CNNM3: variants seen among roughly 807,000 people sequenced by gnomAD.
The protein encoded by CNNM3 is cyclin and CBS domain divalent metal cation transport mediator 3, also known as metal transporter CNNM3.
A neutral mutation model predicts 57.1 loss-of-function variants in CNNM3; 47 were observed. That is an observed-to-expected ratio of 0.82 (90% confidence interval 0.65 to 1.05). The LOEUF (loss-of-function observed/expected upper bound fraction) is 1.05. Ranked by LOEUF, CNNM3 falls within the 50% of genes least tolerant of loss-of-function variation. CNNM3 has a pLI of 0.00. For missense variants in CNNM3, 957 were observed against 973.7 expected (o/e 0.98, Z 0.23); for synonymous variants, 507 against 478.2 (o/e 1.06, Z -0.79).
chr2:96,828,554 G>A lies in CNNM3; in HGVS notation c.1787-13G>A, dbSNP rs772032444. ...AGCATGGCTCCTGCCATCACTGATT[G>A]TTCCTTTGATAGTTCACCAGTCCCC... On this transcript the variant is annotated splice_polypyrimidine_tract_variant and intron_variant, in intron 5 of 7. Coordinates refer to ENST00000305510, the MANE Select transcript of CNNM3 (RefSeq NM_017623.5). 1.9e-6 allele frequency: 3 copies of A among 1,614,114 alleles called. No homozygotes were observed. Among genetic ancestry groups the A allele is most frequent in the South Asian group, 2.2e-5 (2 of 91,086 alleles).
At chr2:96,836,872 GCATGTGAGC>G (rs2079697323), downstream of CNNM3, 1 of 152,174 alleles carries the variant, frequency 6.6e-6, no homozygotes, top group Non-Finnish European at 1.5e-5. Flanking sequence ...ATTTAAGTAT[GCATGTGAGC>G]CATGTTAATT....
intron 1 of CNNM3, among the ~76,000 whole-genome samples, chr2:96,823,685 A>C (rs1252170317): frequency 6.6e-6 from 1 of 152,230 alleles, no homozygotes; most frequent in African/African-American, 2.4e-5. Context: ...CCACACAACA[A>C]CACAAACTTG....
In CNNM3 at chr2:96,827,840, C is replaced by T. The variant is rs746109031; in HGVS notation, c.1629C>T (p.Ala543=). The change falls in exon 4 of 8, where the codon GCC becomes GCT. Residue 543 remains alanine, a synonymous_variant. Coordinates refer to ENST00000305510, the MANE Select transcript of CNNM3 (RefSeq NM_017623.5). ...EVRFDESNRL[A]THHYLYQRSQ... ...GGTTTGACGAGAGCAACCGGCTGGC[C>T]ACACACCACTACCTGTACCAGCGCA... 2 of 1,614,178 alleles carry T rather than the reference C, an allele frequency of 1.2e-6. No homozygotes were observed. Among genetic ancestry groups the T allele is most frequent in the Non-Finnish European group, 1.7e-6 (2 of 1,180,024 alleles).
At chr2:96,818,436 A>T (rs757887922) in intron 1 of CNNM3, among the ~76,000 whole-genome samples, 1 of 143,758 alleles carries the variant, frequency 7.0e-6, no homozygotes, top group Non-Finnish European at 1.5e-5. Context: ...TTTTATGTAG[A>T]GACAGGGTCT....
At chr2:96,827,664 T>C (rs2079531654) in intron 3 of CNNM3, 67 bp from the exon 4 acceptor site, 1 of 1,506,948 alleles carries the variant, frequency 6.6e-7, no homozygotes, top group Non-Finnish European at 9.1e-7. Context: ...TTGCCTACAG[T>C]GTTGGGTGTG....
chr2:96,822,445 G>GT (rs2079423358), intron 1 of CNNM3, among the ~76,000 whole-genome samples: 3 of 152,048 alleles, frequency 2.0e-5, no homozygotes, highest in Non-Finnish European at 4.4e-5. Flanking sequence ...AGTAAGCTGG[G>GT]GCCACAGGTG....
chr2:96,829,024 TC>T lies in CNNM3; in HGVS notation c.1951del (p.Leu651TrpfsTer79). The T allele has an allele frequency of 1.2e-6, 2 of 1,614,006 alleles. No individual in the cohort carries two copies. The highest frequency in any genetic ancestry group is 1.7e-6 in the Non-Finnish European group (2 of 1,179,974). Reference sequence around the variant, plus strand: ...ACGCGACTGCAGTACCTCAATGCACTCCTGGCTACCCGAGCCCAGAACCTGC... The same window carrying T: ...ACGCGACTGCAGTACCTCAATGCACTCTGGCTACCCGAGCCCAGAACCTGC... ...KVTRLQYLNA[L>X]LATRAQNLPQ... On this transcript the variant is annotated frameshift_variant, in exon 7 of 8. Transcript: ENST00000305510. LOFTEE classifies it high-confidence loss of function.
At position 96,816,842 on chromosome 2, in the gene CNNM3, C is replaced by T. The variant is rs865847530; in HGVS notation, c.565C>T (p.Arg189Cys). ...GGCGCGGCGTTTGGAGCCCGCGCGG[C>T]GCTGGGCCGGCTGCGCCTTGGGCGC... is the stretch of plus-strand genomic sequence containing the variant. Reference protein sequence around the residue: ...AAARRLEPARRWAGCALGALL... With the variant: ...AAARRLEPARCWAGCALGALL... Residue 189 changes from arginine (R) to cysteine (C), a missense_variant, in exon 1 of 8, where the codon CGC (arginine) becomes TGC (cysteine). By Grantham distance (180) the Arg-to-Cys change is radical. Coordinates refer to ENST00000305510, the MANE Select transcript of CNNM3 (RefSeq NM_017623.5). 127 of 1,051,230 alleles carry T rather than the reference C, an allele frequency of 1.2e-4. 1 individual carries two copies. The African/African-American group carries it at 1.8e-3, about 15-fold the overall frequency. The allele number at this position is 1,051,230 out of a possible 1,614,324, so 65.1% of individuals were successfully genotyped here.
chr2:96,827,067 C>A, intron 3 of CNNM3, 85 bp downstream of exon 3: 1 of 1,460,748 alleles, frequency 6.8e-7, no homozygotes, highest in Non-Finnish European at 9.3e-7. Flanking sequence ...ACTGACTCTG[C>A]TCCCCACTCC....
Position 96,816,486 on chromosome 2 carries a change from G to A in CNNM3, c.209G>A (p.Gly70Asp). 2.7e-6 allele frequency: 4 copies of A among 1,458,706 alleles called. No individual in the cohort carries two copies. The highest frequency in any genetic ancestry group is 3.6e-6 in the Non-Finnish European group (4 of 1,106,004). 90.4% of individuals were successfully genotyped at this position (1,458,706 alleles called of 1,614,324 possible). A position where few individuals can be genotyped will look rare whatever the true frequency, so the allele number is the denominator to read the frequency against. The change falls in exon 1 of 8, where the codon GGC (glycine) becomes GAC (aspartate). Residue 70 changes from glycine to aspartate, a missense_variant. By Grantham distance (94) the Gly-to-Asp change is moderately conservative (BLOSUM62 -1). This residue lies in a region of CNNM3 where 466 missense variants were observed against 403.1 expected (regional missense o/e 1.16). Coordinates refer to ENST00000305510, the MANE Select transcript of CNNM3 (RefSeq NM_017623.5). ...ATFLLRLFGPGFANSSWSWVA... is the reference protein window; with the variant it reads ...ATFLLRLFGPDFANSSWSWVA... Reference sequence around the variant, plus strand: ...TTCCTCCTGCGCCTCTTCGGCCCGGGCTTCGCCAACAGCTCTTGGTCCTGG... The same window carrying A: ...TTCCTCCTGCGCCTCTTCGGCCCGGACTTCGCCAACAGCTCTTGGTCCTGG...
chr2:96,824,079 C>T (rs2079453469), intron 1 of CNNM3, among the ~76,000 whole-genome samples: 1 of 152,100 alleles, frequency 6.6e-6, no homozygotes, highest in South Asian at 2.1e-4. Flanking sequence ...TGCAGCTATT[C>T]AGATTTTAAA....
intron 1 of CNNM3, among the ~76,000 whole-genome samples, chr2:96,819,726 A>G (rs1333157099): frequency 1.3e-5 from 2 of 152,138 alleles, no homozygotes; most frequent in Non-Finnish European, 2.9e-5. Flanking sequence ...GCTGCTTTCA[A>G]CAGTTGAGCA....
In CNNM3 at chr2:96,816,455, G is replaced by A; in HGVS notation, c.178G>A (p.Ala60Thr). ...AGGGGCGGCGCGGGACACGCCGGAC[G>A]CCACCTTCCTCCTGCGCCTCTTCGG... The part of the protein sequence containing the change: ...RGGAARDTPD[A>T]TFLLRLFGPG... Residue 60 changes from alanine (A) to threonine (T), a missense_variant, in exon 1 of 8, where the codon GCC becomes ACC. Coordinates refer to ENST00000305510, the MANE Select transcript of CNNM3 (RefSeq NM_017623.5). 1 of 1,446,022 alleles carries A rather than the reference G, an allele frequency of 6.9e-7. No homozygotes were observed. Among genetic ancestry groups the A allele is most frequent in the Non-Finnish European group, 9.1e-7 (1 of 1,099,706 alleles). The allele number at this position is 1,446,022 out of a possible 1,614,324, so 89.6% of individuals were successfully genotyped here. A position where few individuals can be genotyped will look rare whatever the true frequency, so the allele number is the denominator to read the frequency against.
intron 5 of CNNM3, 157 bp from the exon 6 acceptor site, chr2:96,828,410 G>T: frequency 1.0e-6 from 1 of 991,618 alleles, no homozygotes. Context: ...AACCTCTCCC[G>T]GCTGTGTTTG....
In CNNM3 at chr2:96,816,851, G is replaced by C. The variant is rs930483380; in HGVS notation, c.574G>C (p.Gly192Arg). The C allele has an allele frequency of 6.9e-5, 73 of 1,063,496 alleles. No individual in the cohort carries two copies. The African/African-American group carries it at 1.2e-3, about 18-fold the overall frequency. 65.9% of individuals were successfully genotyped at this position (1,063,496 alleles called of 1,614,324 possible). A position where few individuals can be genotyped will look rare whatever the true frequency, so the allele number is the denominator to read the frequency against. Reference protein sequence around the residue: ...RRLEPARRWAGCALGALLLLA... With the variant: ...RRLEPARRWARCALGALLLLA... Reference sequence around the variant, plus strand: ...TTTGGAGCCCGCGCGGCGCTGGGCCGGCTGCGCCTTGGGCGCGCTGCTGCT... The same window carrying C: ...TTTGGAGCCCGCGCGGCGCTGGGCCCGCTGCGCCTTGGGCGCGCTGCTGCT... Residue 192 changes from glycine to arginine, a missense_variant, in exon 1 of 8, where the codon GGC becomes CGC. Gly to Arg is a moderately radical substitution (Grantham distance 125). Around this residue, in one of 2 missense-constraint regions of CNNM3, gnomAD observed 466 missense variants for 403.1 expected, o/e 1.16. Transcript: ENST00000305510.
chr2:96,827,737 A>T lies in CNNM3; in HGVS notation c.1526A>T (p.Asp509Val), dbSNP rs1467104886. ...ATQRFLSREV[D>V]VFSPLRISEK... Reference sequence around the variant, plus strand: ...TTTTTTCCACCACGTGCAGAAGTGGATGTATTCAGCCCGCTGCGCATCTCT... The same window carrying T: ...TTTTTTCCACCACGTGCAGAAGTGGTTGTATTCAGCCCGCTGCGCATCTCT... The change falls in exon 4 of 8, where the codon GAT becomes GTT. Residue 509 changes from aspartate to valine, a missense_variant. This residue lies in a region of CNNM3 where 491 missense variants were observed against 570.6 expected (regional missense o/e 0.86). Coordinates refer to ENST00000305510, the MANE Select transcript of CNNM3 (RefSeq NM_017623.5). The T allele has an allele frequency of 7.4e-6, 12 of 1,613,140 alleles. No individual in the cohort carries two copies. The highest frequency in any genetic ancestry group is 1.0e-5 in the Non-Finnish European group (12 of 1,179,344).
rs148258695 is a variant in CNNM3, at chr2:96,828,119, C to A, written c.1710C>A (p.Ile570=). Reference sequence around the variant, plus strand: ...CCCAGGGCAGGGTTGAAGTGGAGATCGGGAAAGAGGGTCTGAAGTTTGAGA... The same window carrying A: ...CCCAGGGCAGGGTTGAAGTGGAGATAGGGAAAGAGGGTCTGAAGTTTGAGA... ...LILQGRVEVE[I]GKEGLKFENG... The change falls in exon 5 of 8, where the codon ATC becomes ATA. Residue 570 remains isoleucine, a synonymous_variant. Coordinates refer to ENST00000305510, the MANE Select transcript of CNNM3 (RefSeq NM_017623.5). The A allele has an allele frequency of 6.2e-7, 1 of 1,614,116 alleles. No homozygotes were observed. Among genetic ancestry groups the A allele is most frequent in the Admixed American group, 1.7e-5 (1 of 60,012 alleles).
chr2:96,825,211 G>C lies in CNNM3; in HGVS notation c.1369+10G>C, dbSNP rs765358172. The stretch of plus-strand genomic sequence containing the variant: ...GAGTCTGAAGACTACCGTGAGTCCA[G>C]ACTCTTGGCAGTTCTGTCTCCGCTG... On this transcript the variant is annotated intron_variant, in intron 2 of 7. Transcript: ENST00000305510. 1.2e-6 allele frequency: 2 copies of C among 1,613,856 alleles called. No homozygotes were observed. The highest frequency in any genetic ancestry group is 1.7e-6 in the Non-Finnish European group (2 of 1,179,898).
intron 1 of CNNM3, among the ~76,000 whole-genome samples, chr2:96,820,498 A>C (rs1452774969): frequency 6.6e-6 from 1 of 152,180 alleles, no homozygotes; most frequent in Non-Finnish European, 1.5e-5. Context: ...CTAGGAGCAC[A>C]GGTGTGTCAG....
Sources: allele counts gnomAD v4.1 joint callset (sites outside exome capture counted in the v4.1 genomes callset), GRCh38; gene constraint gnomAD v4.1.1; regional missense constraint gnomAD v4.1.1; transcripts MANE v1.5; gene names NCBI Gene and HGNC (gene_info 2026-07-23, HGNC 2026-07-21).